The following NLRP14 variants were observed in gnomAD, a reference collection of about 807,000 sequenced individuals.
The protein encoded by NLRP14 is NACHT, LRR and PYD domains-containing protein 14.
NLRP14 carries 105 observed loss-of-function variants against 94.7 expected under a neutral mutation model. That is an observed-to-expected ratio of 1.11 (90% CI 0.95 to 1.30). The LOEUF (loss-of-function observed/expected upper bound fraction) is 1.30. Ranked by LOEUF, NLRP14 falls within the 50% of genes most tolerant of loss-of-function variation. The probability of loss-of-function intolerance (pLI) is 0.00; values close to 1 mark genes in which losing one functional copy is unlikely to be tolerated. For synonymous variants in NLRP14, 508 were observed against 459.9 expected (o/e 1.10, Z -1.34); for missense variants, 1,362 against 1,254.1 (o/e 1.09, Z -1.30).
intron 10 of NLRP14, among the ~76,000 whole-genome samples, chr11:7,064,333 GTA>G (rs1852673306): frequency 6.6e-6 from 1 of 152,098 alleles, no homozygotes; most frequent in Non-Finnish European, 1.5e-5. Context: ...TATTTTCATA[GTA>G]TATAGACAGG....
At chr11:7,040,749 A>T (rs2119607324) in intron 3 of NLRP14, among the ~76,000 whole-genome samples, 1 of 152,360 alleles carries the variant, frequency 6.6e-6, no homozygotes, top group Non-Finnish European at 1.5e-5. Flanking sequence ...AACTTAGTTC[A>T]TCCCAAGCAC....
chr11:7,050,038 T>C (rs1464464415), intron 6 of NLRP14, among the ~76,000 whole-genome samples, 200 bp downstream of exon 6: 1 of 152,192 alleles, frequency 6.6e-6, no homozygotes, highest in Non-Finnish European at 1.5e-5. Flanking sequence ...CCCAGGAAGA[T>C]TTCTCATTGT....
intron 10 of NLRP14, among the ~76,000 whole-genome samples, chr11:7,069,447 T>C (rs1362425007): frequency 6.6e-6 from 1 of 152,200 alleles, no homozygotes; most frequent in Non-Finnish European, 1.5e-5. Context: ...TATATACTAT[T>C]ATCGGCTTGT....
At chr11:7,039,151 TC>T (rs1489506158) in intron 2 of NLRP14, among the ~76,000 whole-genome samples, 1 of 152,068 alleles carries the variant, frequency 6.6e-6, no homozygotes, top group Non-Finnish European at 1.5e-5. Context: ...ATAGGAATTG[TC>T]CCATAAAGTG....
the NLRP14 span, chr11:7,090,331 T>C: frequency 3.5e-5 from 55 of 1,556,414 alleles, no homozygotes; most frequent in East Asian, 1.3e-3. Context: ...AAAATCCCTT[T>C]TCAACGAAAC....
At chr11:7,080,162 T>C in the NLRP14 span, among the ~76,000 whole-genome samples, 1 of 152,180 alleles carries the variant, frequency 6.6e-6, no homozygotes, top group African/African-American at 2.4e-5. Flanking sequence ...TGTTTAGGTA[T>C]CCTGGGGACC....
At position 7,071,368 on chromosome 11, in the gene NLRP14, A is replaced by G. The variant is rs1565029012; in HGVS notation, c.*60A>G. ...TATAAATACATACATACATAGATAT[A>G]TACCCAGACTTGGGTGCTTAGCTTC... is the stretch of plus-strand genomic sequence containing the variant. On this transcript the variant is annotated 3_prime_UTR_variant, in exon 12 of 12. Transcript: ENST00000299481. 3 of 1,432,336 alleles carry G rather than the reference A, an allele frequency of 2.1e-6. No homozygotes were observed. Among genetic ancestry groups the G allele is most frequent in the Non-Finnish European group, 2.9e-6 (3 of 1,034,502 alleles). 88.7% of individuals were successfully genotyped at this position (1,432,336 alleles called of 1,614,324 possible). A position where few individuals can be genotyped will look rare whatever the true frequency, so the allele number is the denominator to read the frequency against.
chr11:7,029,471 C>T (rs1852061332), intron 1 of NLRP14, among the ~76,000 whole-genome samples: 1 of 152,164 alleles, frequency 6.6e-6, no homozygotes, highest in Non-Finnish European at 1.5e-5. Flanking sequence ...ATATAAACGC[C>T]TCTATCCTCT....
chr11:7,029,950 C>T (rs1852068521), intron 1 of NLRP14, among the ~76,000 whole-genome samples: 1 of 152,150 alleles, frequency 6.6e-6, no homozygotes, highest in Admixed American at 6.5e-5. Context: ...TGTACATTTT[C>T]TTAATGCCAA....
chr11:7,024,221 AG>A (rs1345471444), intron 1 of NLRP14, among the ~76,000 whole-genome samples: 4 of 152,222 alleles, frequency 2.6e-5, no homozygotes, highest in Non-Finnish European at 4.4e-5. Context: ...AAATATTTCC[AG>A]GGATGCTTGG....
chr11:7,076,881 T>A, the NLRP14 span, among the ~76,000 whole-genome samples: 1 of 152,178 alleles, frequency 6.6e-6, no homozygotes, highest in African/African-American at 2.4e-5. Context: ...TGAATAAAAA[T>A]TGATGAATGA....
the NLRP14 span, chr11:7,088,925 C>T: frequency 1.6e-6 from 1 of 635,646 alleles, no homozygotes; most frequent in South Asian, 2.0e-5. Flanking sequence ...GGCGAATTGG[C>T]CCTCTGGAAA....
chr11:7,067,120 T>C (rs1019746434), intron 10 of NLRP14, among the ~76,000 whole-genome samples: 1 of 152,208 alleles, frequency 6.6e-6, no homozygotes, highest in Non-Finnish European at 1.5e-5. Flanking sequence ...TAGTACAGTT[T>C]GAAGTCAGGT....
At chr11:7,082,131 A>G in the NLRP14 span, among the ~76,000 whole-genome samples, 2 of 152,182 alleles carry the variant, frequency 1.3e-5, no homozygotes, top group Non-Finnish European at 1.5e-5. Flanking sequence ...AAATATATAT[A>G]TTTTTGTTAC....
intron 5 of NLRP14, among the ~76,000 whole-genome samples, chr11:7,049,205 T>G (rs947340216): frequency 6.6e-6 from 1 of 152,190 alleles, no homozygotes; most frequent in Non-Finnish European, 1.5e-5. Context: ...ATATTTTGCT[T>G]GGGCTGCCTC....
chr11:7,081,756 G>A, the NLRP14 span, among the ~76,000 whole-genome samples: 1 of 152,146 alleles, frequency 6.6e-6, no homozygotes, highest in African/African-American at 2.4e-5. Flanking sequence ...ACATCCATGT[G>A]TTTATCAATT....
At chr11:7,067,896 A>T (rs1852730078) in intron 10 of NLRP14, among the ~76,000 whole-genome samples, 1 of 152,080 alleles carries the variant, frequency 6.6e-6, no homozygotes, top group South Asian at 2.1e-4. Context: ...GAACTTTGTA[A>T]CAATTTCTGG....
chr11:7,079,257 T>G, the NLRP14 span, among the ~76,000 whole-genome samples: 1 of 152,212 alleles, frequency 6.6e-6, no homozygotes, highest in East Asian at 1.9e-4. Context: ...TTCCAGTTAC[T>G]CTCTTGGAGG....
chr11:7,064,435 T>C (rs1852674685), intron 10 of NLRP14, among the ~76,000 whole-genome samples: 1 of 152,054 alleles, frequency 6.6e-6, no homozygotes, highest in Admixed American at 6.6e-5. Flanking sequence ...GGCCAAGGTG[T>C]TGGATCTAGG....
Sources: allele counts gnomAD v4.1 joint callset (sites outside exome capture counted in the v4.1 genomes callset), GRCh38; gene constraint gnomAD v4.1.1; transcripts MANE v1.5; gene names NCBI Gene and HGNC (gene_info 2026-07-23, HGNC 2026-07-21).